The following AGBL4 variants were observed in gnomAD, a reference collection of about 807,000 sequenced individuals.
The protein encoded by AGBL4 is AGBL carboxypeptidase 4.
Under a neutral mutation model 66.4 loss-of-function variants are expected in AGBL4, and 58 were observed. The observed-to-expected ratio is 0.87, with a 90% CI of 0.71 to 1.09. The LOEUF (loss-of-function observed/expected upper bound fraction) is 1.09, where lower values mean the gene tolerates loss of function less well. AGBL4 is among the 50% of genes least tolerant of loss of function. AGBL4 has a pLI of 0.00. For synonymous variants in AGBL4, 234 were observed against 222.9 expected, an observed-to-expected ratio of 1.05 and a Z score of -0.44; for missense variants, 579 against 631.0, an observed-to-expected ratio of 0.92 and a Z score of 0.88.
At chr1:49,526,361 G>T (rs1290301598) in intron 3 of AGBL4, among the ~76,000 whole-genome samples, 6 of 151,720 alleles carry the variant, frequency 4.0e-5, no homozygotes, top group Non-Finnish European at 8.8e-5. Flanking sequence ...GTGTGTCTTG[G>T]GATGCTCACT....
intron 6 of AGBL4, among the ~76,000 whole-genome samples, chr1:48,798,727 A>C (rs768099952): frequency 6.6e-6 from 1 of 152,190 alleles, no homozygotes; most frequent in Non-Finnish European, 1.5e-5. Flanking sequence ...ATTCTTCTAC[A>C]TGTGGCTTGC....
chr1:49,539,995 T>C (rs1651885749), intron 3 of AGBL4, among the ~76,000 whole-genome samples: 1 of 151,956 alleles, frequency 6.6e-6, no homozygotes, highest in South Asian at 2.1e-4. Context: ...TAAGGGCAAA[T>C]TTTGCATGAT....
intron 3 of AGBL4, among the ~76,000 whole-genome samples, chr1:49,501,552 T>C (rs1648154471): frequency 6.6e-6 from 1 of 152,024 alleles, no homozygotes; most frequent in Non-Finnish European, 1.5e-5. Context: ...TTTCTTAGTC[T>C]ACCTGAAGAT....
chr1:48,914,400 T>C (rs879548657), intron 5 of AGBL4, among the ~76,000 whole-genome samples: 5 of 152,110 alleles, frequency 3.3e-5, no homozygotes, highest in Non-Finnish European at 7.4e-5. Flanking sequence ...GATGCCAATC[T>C]GTAAAGGATT....
chr1:49,554,459 AT>A (rs971041625), intron 3 of AGBL4, among the ~76,000 whole-genome samples: 2 of 152,270 alleles, frequency 1.3e-5, no homozygotes, highest in East Asian at 1.9e-4. Flanking sequence ...AATTGAAACC[AT>A]TTTTTTAGCT....
intron 1 of AGBL4, among the ~76,000 whole-genome samples, chr1:50,014,519 TA>T: frequency 6.7e-6 from 1 of 149,728 alleles, no homozygotes; most frequent in East Asian, 2.0e-4. Flanking sequence ...ACCTCATAAC[TA>T]ATGAACAGAG....
intron 2 of AGBL4, among the ~76,000 whole-genome samples, chr1:49,726,571 G>C (rs928555145): frequency 6.6e-6 from 1 of 152,078 alleles, no homozygotes; most frequent in Non-Finnish European, 1.5e-5. Flanking sequence ...AAATATTATT[G>C]CATATCTTTT....
intron 3 of AGBL4, among the ~76,000 whole-genome samples, chr1:49,413,576 C>CG (rs1486770005): frequency 6.6e-6 from 1 of 152,128 alleles, no homozygotes; most frequent in Non-Finnish European, 1.5e-5. Context: ...GAGCTCTTTG[C>CG]GGTCTTGACC....
chr1:48,941,596 T>A (rs903510257), intron 5 of AGBL4, among the ~76,000 whole-genome samples: 12 of 152,186 alleles, frequency 7.9e-5, no homozygotes, highest in Admixed American at 2.0e-4. Context: ...TTAAGCTGTG[T>A]GGGGAAGAGC....
chr1:48,834,376 A>T (rs1223372560), intron 6 of AGBL4, among the ~76,000 whole-genome samples: 1 of 152,070 alleles, frequency 6.6e-6, no homozygotes, highest in Non-Finnish European at 1.5e-5. Flanking sequence ...CGATGTGAAT[A>T]TTGGGGGGCC....
intron 3 of AGBL4, among the ~76,000 whole-genome samples, chr1:49,638,681 C>CT (rs199722413): frequency 0.019 from 2,858 of 152,282 alleles, 83 homozygotes; most frequent in African/African-American, 0.064. Context: ...CACATGCTTT[C>CT]TTGCCTGCTG....
At chr1:49,850,076 G>A (rs749223179) in intron 2 of AGBL4, among the ~76,000 whole-genome samples, 3 of 152,160 alleles carry the variant, frequency 2.0e-5, no homozygotes, top group Non-Finnish European at 4.4e-5. Flanking sequence ...CTACAATACT[G>A]CGTAATGACT....
At chr1:48,857,289 A>G (rs1312119078) in intron 6 of AGBL4, among the ~76,000 whole-genome samples, 1 of 152,254 alleles carries the variant, frequency 6.6e-6, no homozygotes, top group Non-Finnish European at 1.5e-5. Flanking sequence ...AGTCTTCTCA[A>G]CAAATAGTTC....
intron 2 of AGBL4, among the ~76,000 whole-genome samples, chr1:49,757,196 T>C (rs1651949456): frequency 6.6e-6 from 1 of 152,168 alleles, no homozygotes; most frequent in Non-Finnish European, 1.5e-5. Flanking sequence ...AAGAAGAATG[T>C]GTTTGCTTCC....
At position 49,845,199 on chromosome 1, in the gene AGBL4, G is replaced by A. The variant is rs778496104; in HGVS notation, c.157+6197C>T. ...GAGGAAAAGTCTTCCGAAACAGCTCGGCACTTACCAAACACCAGAGAATCC... is the reference window on the plus strand; with the variant it reads ...GAGGAAAAGTCTTCCGAAACAGCTCAGCACTTACCAAACACCAGAGAATCC... On this transcript the variant is annotated intron_variant, in intron 2 of 13. Transcript: ENST00000371839. 66 of 1,454,316 alleles carry A rather than the reference G, an allele frequency of 4.5e-5. 1 individual carries two copies. In the Admixed American group the frequency reaches 7.4e-4, roughly 16 times the overall value. The allele number at this position is 1,454,316 out of a possible 1,614,324, so 90.1% of individuals were successfully genotyped here.
At chr1:49,957,692 T>C (rs1394607305) in intron 1 of AGBL4, among the ~76,000 whole-genome samples, 1 of 152,096 alleles carries the variant, frequency 6.6e-6, no homozygotes, top group African/African-American at 2.4e-5. Flanking sequence ...CCTTGCCTTT[T>C]TTTTGTTTTC....
chr1:49,076,148 C>A (rs771204273), intron 4 of AGBL4, among the ~76,000 whole-genome samples: 1 of 152,082 alleles, frequency 6.6e-6, no homozygotes, highest in Non-Finnish European at 1.5e-5. Flanking sequence ...TTTTCTTATG[C>A]CTCAAAGAAA....
At chr1:48,654,707 A>G (rs1645990375) in intron 7 of AGBL4, among the ~76,000 whole-genome samples, 1 of 152,226 alleles carries the variant, frequency 6.6e-6, no homozygotes, top group African/African-American at 2.4e-5. Flanking sequence ...AGCTCTTGGA[A>G]TGATAACTCG....
At chr1:49,319,769 T>C (rs574422813) in intron 3 of AGBL4, among the ~76,000 whole-genome samples, 8 of 152,244 alleles carry the variant, frequency 5.3e-5, no homozygotes, top group Admixed American at 2.0e-4. Context: ...TGCTGAGTCA[T>C]CAAATGGCAG....
Sources: gnomAD v4.1 joint callset for allele counts (sites outside exome capture counted in the v4.1 genomes callset) on GRCh38, gnomAD v4.1.1 for gene constraint, MANE v1.5 for transcripts, NCBI Gene and HGNC (gene_info 2026-07-23, HGNC 2026-07-21) for gene names.